Variants in RANBP17 observed in about 807,000 individuals in gnomAD.
RANBP17 encodes the protein RAN binding protein 17.
In RANBP17, 158 loss-of-function variants were observed where a neutral mutation model predicts 141.2. The observed-to-expected ratio is 1.12, with a 90% confidence interval of 0.98 to 1.28. RANBP17 has a LOEUF of 1.28. RANBP17 is among the 50% of genes most tolerant of loss of function. The probability of loss-of-function intolerance (pLI) is 0.00; values close to 1 mark genes in which losing one functional copy is unlikely to be tolerated. For synonymous variants in RANBP17, 430 were observed against 450.0 expected (o/e 0.96, Z 0.56); for missense variants, 1,438 against 1,290.7 (o/e 1.11, Z -1.75).
chr5:170,993,000 G>A (rs1778603588), intron 14 of RANBP17, among the ~76,000 whole-genome samples: 1 of 152,034 alleles, frequency 6.6e-6, no homozygotes, highest in South Asian at 2.1e-4. Flanking sequence ...GAAGGCAGAT[G>A]CTCTGCCTTG....
chr5:170,889,268 G>A (rs1208021631), intron 3 of RANBP17, among the ~76,000 whole-genome samples: 5 of 151,828 alleles, frequency 3.3e-5, no homozygotes, highest in Non-Finnish European at 7.4e-5. Context: ...GGTGTGTATC[G>A]TCTCTTTCCT....
chr5:170,887,886 C>T (rs1769289319), intron 3 of RANBP17, among the ~76,000 whole-genome samples: 1 of 152,202 alleles, frequency 6.6e-6, no homozygotes, highest in East Asian at 1.9e-4. Flanking sequence ...TTTAAAGGAC[C>T]TACTCCTGAA....
Position 171,242,733 on chromosome 5 carries a change from C to T in RANBP17, c.2689C>T (p.Gln897Ter), listed in dbSNP as rs34494470. 2.1e-5 allele frequency: 34 copies of T among 1,613,714 alleles called. No homozygotes were observed. Among genetic ancestry groups the T allele is most frequent in the African/African-American group, 2.7e-5 (2 of 74,928 alleles). ...SYYPLLECLT[Q>*]DHMSFIINLE... The stretch of plus-strand genomic sequence containing the variant: ...TTATCCACTCCTGGAATGTCTCACT[C>T]AGGACCATATGAGCTTCATCATCAA... The change falls in exon 24 of 28, where the codon CAG (glutamine) becomes TAG (stop). Residue 897 changes from glutamine to a stop codon, truncating the protein, a stop_gained. Transcript: ENST00000523189. LOFTEE classifies it high-confidence loss of function.
At position 170,914,066 on chromosome 5, in the gene RANBP17, A is replaced by G. The variant is rs562374612; in HGVS notation, c.761-101A>G. ...AGGCCTAACTGGAAGGAATGGCCAC[A>G]TGCAGAGGCCTTGGATTTCTCAGTT... On this transcript the variant is annotated intron_variant, in intron 7 of 27. Transcript: ENST00000523189. 1.2e-3 allele frequency: 942 copies of G among 758,462 alleles called. 21 individuals carry two copies. The South Asian group carries it at 0.013, about 11-fold the overall frequency. 47.0% of individuals were successfully genotyped at this position (758,462 alleles called of 1,614,324 possible). A position where few individuals can be genotyped will look rare whatever the true frequency, so the allele number is the denominator to read the frequency against.
chr5:170,966,381 G>T (rs1326251102), intron 13 of RANBP17, among the ~76,000 whole-genome samples: 1 of 152,150 alleles, frequency 6.6e-6, no homozygotes, highest in African/African-American at 2.4e-5. Context: ...ATGCAAGGCT[G>T]GTTCAATATA....
rs777131581 is a variant in RANBP17 at position 171,241,135 on chromosome 5, A to T, written c.2630A>T (p.Asp877Val). ...ATGCTGCTGTCAGTGTCCCACAGTG[A>T]CTTGCTAGTAAGCAATCATGCATCA... ...VKMLLSVSHS[D>V]LLQYRKLSQS... Residue 877 changes from aspartate to valine, a missense_variant, in exon 23 of 28, where the codon GAC (aspartate) becomes GTC (valine). Coordinates refer to ENST00000523189, the MANE Select transcript of RANBP17 (RefSeq NM_022897.5). The T allele has an allele frequency of 1.2e-5, 19 of 1,611,290 alleles. 1 individual carries two copies. Among genetic ancestry groups the T allele is most frequent in the Middle Eastern group, 1.7e-4 (1 of 6,044 alleles).
At chr5:171,009,473 T>C (rs1779878241) in intron 14 of RANBP17, among the ~76,000 whole-genome samples, 1 of 152,156 alleles carries the variant, frequency 6.6e-6, no homozygotes. Context: ...AATATACAGA[T>C]ATTTTTATTT....
At chr5:171,095,492 A>C (rs192493366) in intron 14 of RANBP17, among the ~76,000 whole-genome samples, 8 of 152,344 alleles carry the variant, frequency 5.3e-5, no homozygotes, top group Admixed American at 3.3e-4. Flanking sequence ...AAATCAAATA[A>C]AAAGAAAGGA....
At chr5:171,252,804 C>T (rs551424709) in intron 24 of RANBP17, 1 of 1,226,688 alleles carries the variant, frequency 8.2e-7, no homozygotes, top group East Asian at 2.3e-5. Flanking sequence ...TCATTGTCAG[C>T]ATTGGTCCCA....
chr5:171,273,058 C>G (rs997384808), intron 25 of RANBP17, among the ~76,000 whole-genome samples: 1 of 152,180 alleles, frequency 6.6e-6, no homozygotes, highest in Non-Finnish European at 1.5e-5. Context: ...TTCTTTAATG[C>G]CTCCGAGGTA....
At chr5:171,059,663 A>G (rs1405809225) in intron 14 of RANBP17, among the ~76,000 whole-genome samples, 23 of 150,812 alleles carry the variant, frequency 1.5e-4, no homozygotes, top group African/African-American at 5.6e-4. Context: ...TTTTGGTTCC[A>G]TATGAACTTT....
chr5:170,947,231 A>ACCTTT (rs1402204511), intron 12 of RANBP17, among the ~76,000 whole-genome samples: 1 of 152,128 alleles, frequency 6.6e-6, no homozygotes, highest in Non-Finnish European at 1.5e-5. Context: ...GGTAATGTTA[A>ACCTTT]CCTTTCCTTT....
At chr5:170,895,286 C>T (rs1287084841) in intron 4 of RANBP17, among the ~76,000 whole-genome samples, 1 of 152,160 alleles carries the variant, frequency 6.6e-6, no homozygotes, top group East Asian at 1.9e-4. Flanking sequence ...TCTTCTGTGT[C>T]AGTTTTTAAA....
intron 14 of RANBP17, among the ~76,000 whole-genome samples, chr5:170,984,606 AG>A: frequency 6.6e-6 from 1 of 152,144 alleles, no homozygotes; most frequent in African/African-American, 2.4e-5. Context: ...AGCTTGGATG[AG>A]GCAGCAAGAC....
intron 14 of RANBP17, among the ~76,000 whole-genome samples, chr5:170,979,339 T>A (rs1467208769): frequency 6.6e-6 from 1 of 152,200 alleles, no homozygotes; most frequent in Non-Finnish European, 1.5e-5. Flanking sequence ...GAAATAATTA[T>A]AAGAACTCTA....
intron 14 of RANBP17, among the ~76,000 whole-genome samples, chr5:171,082,699 T>G (rs982265908): frequency 6.6e-6 from 1 of 152,174 alleles, no homozygotes; most frequent in Non-Finnish European, 1.5e-5. Context: ...TAGAACCTAT[T>G]AAACAGTTAT....
intron 14 of RANBP17, among the ~76,000 whole-genome samples, chr5:170,990,404 T>G (rs2127563234): frequency 6.6e-6 from 1 of 152,006 alleles, no homozygotes; most frequent in African/African-American, 2.4e-5. Flanking sequence ...TGGAATATAA[T>G]AGTTTATTTT....
intron 14 of RANBP17, among the ~76,000 whole-genome samples, chr5:171,086,669 A>G (rs1785687789): frequency 6.6e-6 from 1 of 150,638 alleles, no homozygotes; most frequent in African/African-American, 2.5e-5. Flanking sequence ...CACAGATTCA[A>G]CTTCTTCCTG....
chr5:170,871,483 C>T (rs1290036796), intron 1 of RANBP17, among the ~76,000 whole-genome samples: 1 of 152,148 alleles, frequency 6.6e-6, no homozygotes, highest in African/African-American at 2.4e-5. Flanking sequence ...ATTGCCTGTT[C>T]CCTCTGATGA....
Sources: gnomAD v4.1 joint callset for allele counts (sites outside exome capture counted in the v4.1 genomes callset) on GRCh38, gnomAD v4.1.1 for gene constraint, MANE v1.5 for transcripts, NCBI Gene and HGNC (gene_info 2026-07-23, HGNC 2026-07-21) for gene names.